Variants in KCND2 observed in about 807,000 individuals in gnomAD.
KCND2 encodes A-type voltage-gated potassium channel KCND2.
KCND2 carries 16 observed loss-of-function variants against 54.4 expected under a neutral mutation model. That is an observed-to-expected ratio of 0.29 (90% CI 0.20 to 0.45). KCND2 has a LOEUF of 0.45. Ranked by LOEUF, KCND2 falls within the 20% of genes least tolerant of loss-of-function variation. The probability of loss-of-function intolerance (pLI) is 1.00; values close to 1 mark genes in which losing one functional copy is unlikely to be tolerated. For synonymous variants in KCND2, 317 were observed against 310.7 expected, an observed-to-expected ratio of 1.02 and a Z score of -0.21; for missense variants, 486 against 824.2, an observed-to-expected ratio of 0.59 and a Z score of 5.02.
intron 1 of KCND2, among the ~76,000 whole-genome samples, chr7:120,466,834 G>A (rs148311770): frequency 1.3e-5 from 2 of 152,188 alleles, no homozygotes; most frequent in Admixed American, 6.6e-5. Context: ...CCTTCTGGAG[G>A]TTCCAGGAGA....
At chr7:120,386,974 TTAAC>T (rs1482557530) in intron 1 of KCND2, among the ~76,000 whole-genome samples, 1 of 152,156 alleles carries the variant, frequency 6.6e-6, no homozygotes, top group African/African-American at 2.4e-5. Context: ...TCTAACAAAA[TTAAC>T]TAAATCATCA....
At chr7:120,471,734 A>T (rs971740863) in intron 1 of KCND2, among the ~76,000 whole-genome samples, 4 of 152,138 alleles carry the variant, frequency 2.6e-5, no homozygotes, top group African/African-American at 9.6e-5. Context: ...CCTGTTGGAC[A>T]GGATTCTGAA....
chr7:120,660,526 G>A (rs1791852846), intron 1 of KCND2, among the ~76,000 whole-genome samples: 1 of 152,126 alleles, frequency 6.6e-6, no homozygotes, highest in Non-Finnish European at 1.5e-5. Context: ...GCCTTAGTTT[G>A]CTATAAAAAC....
rs972260478 is a variant in KCND2, at chr7:120,273,409, GGCCGCCCCGCAGCCCC to G, written c.-1205_-1190del. On this transcript the variant is annotated 5_prime_UTR_variant, in exon 1 of 6. The change abolishes the stop of an existing upstream ORF in the 5' untranslated region. Coordinates refer to ENST00000331113, the MANE Select transcript of KCND2 (RefSeq NM_012281.3). ...CCCACCGCGCCAACGCCGCCCGCCCGGCCGCCCCGCAGCCCCGCCGCCCCGCAGCCCCGCACCGCGC... is the reference window on the plus strand; with the variant it reads ...CCCACCGCGCCAACGCCGCCCGCCCGGCCGCCCCGCAGCCCCGCACCGCGC... Among the ~76,000 whole-genome samples, 22 of 144,202 alleles carry G rather than the reference GGCCGCCCCGCAGCCCC, an allele frequency of 1.5e-4. No homozygotes were observed. The highest frequency in any genetic ancestry group is 2.0e-4 in the East Asian group (1 of 4,910). The allele number at this position is 144,202 out of a possible 152,430, so 94.6% of individuals were successfully genotyped here.
intron 1 of KCND2, among the ~76,000 whole-genome samples, chr7:120,369,753 A>C (rs944863731): frequency 1.3e-5 from 2 of 151,962 alleles, no homozygotes; most frequent in Non-Finnish European, 2.9e-5. Flanking sequence ...CAGTATGCTC[A>C]AGTTTGTTCA....
At chr7:120,399,154 T>C (rs1386047025) in intron 1 of KCND2, among the ~76,000 whole-genome samples, 2 of 152,112 alleles carry the variant, frequency 1.3e-5, no homozygotes, top group Non-Finnish European at 2.9e-5. Context: ...GTGTTGGCTA[T>C]TGTATATACT....
rs543322941 is a variant in KCND2, at chr7:120,503,069, G to C, written c.1115+227322G>C. Among the ~76,000 whole-genome samples the C allele has an allele frequency of 2.6e-5, 4 of 152,144 alleles. No homozygotes were observed. The East Asian group carries it at 7.7e-4, about 29-fold the overall frequency. On this transcript the variant is annotated intron_variant, in intron 1 of 5. Transcript: ENST00000331113. ...CTAATCTGTTATCTATTGCCTTAGG[G>C]TCTAGACTGAAACATCCATTTAAGA...
intron 1 of KCND2, among the ~76,000 whole-genome samples, chr7:120,516,399 A>G (rs918628782): frequency 2.6e-5 from 4 of 152,212 alleles, no homozygotes; most frequent in East Asian, 3.9e-4. Flanking sequence ...TATTGCTTCA[A>G]TTTCTTGAAA....
At chr7:120,595,563 A>ATG (rs570632416) in intron 1 of KCND2, among the ~76,000 whole-genome samples, 35 of 127,632 alleles carry the variant, frequency 2.7e-4, no homozygotes, top group Non-Finnish European at 2.9e-4. Flanking sequence ...GTGTATATAT[A>ATG]TGTGTGTGTA....
chr7:120,605,737 C>T (rs1423433285), intron 1 of KCND2, among the ~76,000 whole-genome samples: 1 of 152,174 alleles, frequency 6.6e-6, no homozygotes, highest in African/African-American at 2.4e-5. Context: ...TTGTTATTAT[C>T]TATCTTTTTG....
At chr7:120,319,491 G>A (rs1194586476) in intron 1 of KCND2, among the ~76,000 whole-genome samples, 1 of 152,004 alleles carries the variant, frequency 6.6e-6, no homozygotes, top group Non-Finnish European at 1.5e-5. Flanking sequence ...TAATCTTTTA[G>A]ACATATTGGT....
intron 1 of KCND2, among the ~76,000 whole-genome samples, chr7:120,627,819 T>C (rs1299117140): frequency 1.3e-5 from 2 of 151,794 alleles, no homozygotes; most frequent in Non-Finnish European, 2.9e-5. Context: ...TTATAATACA[T>C]AGAACACATA....
intron 1 of KCND2, among the ~76,000 whole-genome samples, chr7:120,687,651 A>G (rs1407674238): frequency 6.6e-6 from 1 of 152,110 alleles, no homozygotes; most frequent in East Asian, 1.9e-4. Flanking sequence ...CCCCATATCT[A>G]AAAAGAAAAA....
At chr7:120,683,745 A>T (rs928618890) in intron 1 of KCND2, among the ~76,000 whole-genome samples, 1 of 152,188 alleles carries the variant, frequency 6.6e-6, no homozygotes, top group Non-Finnish European at 1.5e-5. Context: ...AATCCAAAAA[A>T]ATAGAAAAAT....
At chr7:120,529,614 C>T (rs1342317857) in intron 1 of KCND2, among the ~76,000 whole-genome samples, 1 of 152,136 alleles carries the variant, frequency 6.6e-6, no homozygotes, top group African/African-American at 2.4e-5. Context: ...TGTGCATAGG[C>T]ATTCAGTTGT....
At chr7:120,413,691 A>G (rs1032060392) in intron 1 of KCND2, among the ~76,000 whole-genome samples, 2 of 152,082 alleles carry the variant, frequency 1.3e-5, no homozygotes, top group Admixed American at 1.3e-4. Context: ...TTATAAAAAA[A>G]CACCAAAAAA....
At chr7:120,724,586 A>AT (rs1396555889) in intron 1 of KCND2, among the ~76,000 whole-genome samples, 2 of 152,168 alleles carry the variant, frequency 1.3e-5, no homozygotes, top group Non-Finnish European at 2.9e-5. Flanking sequence ...TGTGGTTATC[A>AT]TGCTAAAGAG....
At chr7:120,349,907 T>C (rs1230465318) in intron 1 of KCND2, among the ~76,000 whole-genome samples, 1 of 152,148 alleles carries the variant, frequency 6.6e-6, no homozygotes, top group Non-Finnish European at 1.5e-5. Flanking sequence ...CTTATTCTCT[T>C]TAGTATCTTT....
chr7:120,626,516 G>T (rs1793165172), intron 1 of KCND2, among the ~76,000 whole-genome samples: 1 of 152,148 alleles, frequency 6.6e-6, no homozygotes, highest in East Asian at 1.9e-4. Context: ...TGGATGTGTG[G>T]CTGTAGTATA....
Sources: allele counts gnomAD v4.1 joint callset (sites outside exome capture counted in the v4.1 genomes callset), GRCh38; gene constraint gnomAD v4.1.1; transcripts MANE v1.5; gene names NCBI Gene and HGNC (gene_info 2026-07-23, HGNC 2026-07-21).